Variants in KAZN observed in about 807,000 individuals in gnomAD.
KAZN encodes the protein kazrin.
KAZN carries 40 observed loss-of-function variants against 87.4 expected under a neutral mutation model. The ratio of observed to expected loss-of-function variants is 0.46; its 90% CI spans 0.36 to 0.60. The LOEUF (loss-of-function observed/expected upper bound fraction) is 0.60, where lower values mean the gene tolerates loss of function less well. Ranked by LOEUF, KAZN falls within the 20% of genes least tolerant of loss-of-function variation. KAZN has a pLI of 0.00. For synonymous variants in KAZN, 466 were observed against 458.3 expected, an observed-to-expected ratio of 1.02 and a Z score of -0.22; for missense variants, 898 against 1,073.9, an observed-to-expected ratio of 0.84 and a Z score of 2.29.
At chr1:14,872,080 T>C (rs1652204097) in intron 1 of KAZN, among the ~76,000 whole-genome samples, 2 of 152,180 alleles carry the variant, frequency 1.3e-5, no homozygotes, top group Admixed American at 1.3e-4. Flanking sequence ...AGAAGCTGAA[T>C]TAGGGTGCAA....
At chr1:13,911,736 A>G (rs1339974637) in intron 1 of KAZN, among the ~76,000 whole-genome samples, 2 of 152,192 alleles carry the variant, frequency 1.3e-5, no homozygotes, top group African/African-American at 2.4e-5. Flanking sequence ...GTATAATATC[A>G]TTTAATGTAT....
intron 1 of KAZN, among the ~76,000 whole-genome samples, chr1:14,934,039 T>C (rs920931961): frequency 4.0e-5 from 6 of 151,598 alleles, no homozygotes; most frequent in African/African-American, 1.5e-4. Context: ...GTATTTTTAG[T>C]AGAGACGGGG....
chr1:14,653,320 C>T (rs1254893531), intron 1 of KAZN, among the ~76,000 whole-genome samples: 2 of 152,186 alleles, frequency 1.3e-5, no homozygotes, highest in Admixed American at 1.3e-4. Flanking sequence ...AGGTAATAAG[C>T]TCAGATGCCT....
At chr1:14,661,499 C>G (rs972544226) in intron 1 of KAZN, among the ~76,000 whole-genome samples, 2 of 152,146 alleles carry the variant, frequency 1.3e-5, no homozygotes, top group Non-Finnish European at 2.9e-5. Context: ...AACAGGAAAG[C>G]AGCTGTAGAC....
At chr1:14,587,171 C>T (rs1675902475) in intron 2 of KAZN, among the ~76,000 whole-genome samples, 1 of 152,152 alleles carries the variant, frequency 6.6e-6, no homozygotes, top group Admixed American at 6.5e-5. Flanking sequence ...CGCGGTGGCT[C>T]ATGCCTGTAA....
At chr1:14,479,245 C>T (rs563727147) in intron 2 of KAZN, among the ~76,000 whole-genome samples, 1 of 152,304 alleles carries the variant, frequency 6.6e-6, no homozygotes, top group Non-Finnish European at 1.5e-5. Flanking sequence ...TCCTGTGAAA[C>T]TGTCCCCTGC....
chr1:14,191,348 T>C (rs917603567), intron 2 of KAZN, among the ~76,000 whole-genome samples: 1 of 152,092 alleles, frequency 6.6e-6, no homozygotes, highest in African/African-American at 2.4e-5. Context: ...ATTTCATTAA[T>C]TGAAATTTGG....
intron 2 of KAZN, among the ~76,000 whole-genome samples, chr1:14,314,125 C>T (rs13373827): frequency 0.07 from 10,679 of 152,206 alleles, 520 homozygotes; most frequent in Non-Finnish European, 0.11. Context: ...CTTTCCACAT[C>T]TTTACATGTA....
intron 2 of KAZN, among the ~76,000 whole-genome samples, chr1:14,562,362 T>C (rs1305970724): frequency 6.6e-6 from 1 of 152,218 alleles, no homozygotes; most frequent in African/African-American, 2.4e-5. Flanking sequence ...TTGACACTAG[T>C]TCTGAAGTTG....
rs541964965 is a variant in KAZN at position 15,009,842 on chromosome 1, G to A, written c.419-24907G>A. 9.9e-5 allele frequency among the ~76,000 whole-genome samples: 15 copies of A among 152,124 alleles called. 1 individual carries two copies. The highest frequency in any genetic ancestry group is 4.2e-4 in the South Asian group (2 of 4,818). On this transcript the variant is annotated intron_variant, in intron 2 of 14. Transcript: ENST00000376030. The stretch of plus-strand genomic sequence containing the variant: ...CATGGCCAATTCTGTCTCACCCTCC[G>A]CTCGTTCCTCCCCATAATATTTTGA...
chr1:15,098,275 TA>T, intron 10 of KAZN, among the ~76,000 whole-genome samples: 1 of 152,394 alleles, frequency 6.6e-6, no homozygotes, highest in South Asian at 2.1e-4. Context: ...GAATTCCTTT[TA>T]AAATCATGCT....
intron 1 of KAZN, among the ~76,000 whole-genome samples, chr1:14,793,564 G>C (rs778619113): frequency 5.3e-5 from 8 of 152,208 alleles, no homozygotes; most frequent in Non-Finnish European, 1.0e-4. Context: ...AGAGTACCTG[G>C]TTATAGGGTT....
Position 14,724,590 on chromosome 1 carries a change from G to A in KAZN, c.226+125367G>A, listed in dbSNP as rs78298400. ...CAATTGCTCTCCTGGTTCCTTCTCC[G>A]TTTTGTGCCTGGATGACACTGCCAC... On this transcript the variant is annotated intron_variant, in intron 1 of 14. Transcript: ENST00000376030. Among the ~76,000 whole-genome samples, 1,349 of 152,320 alleles carry A rather than the reference G, an allele frequency of 8.9e-3. 8 individuals carry two copies. Among genetic ancestry groups the A allele is most frequent in the Non-Finnish European group, 0.013 (895 of 68,028 alleles).
At chr1:14,572,537 C>T (rs1674932731) in intron 2 of KAZN, among the ~76,000 whole-genome samples, 1 of 152,186 alleles carries the variant, frequency 6.6e-6, no homozygotes, top group African/African-American at 2.4e-5. Flanking sequence ...GCTCAGAGCT[C>T]AGGCCTGGGA....
intron 1 of KAZN, among the ~76,000 whole-genome samples, chr1:14,804,832 A>G (rs1646154072): frequency 6.6e-6 from 1 of 152,042 alleles, no homozygotes; most frequent in Non-Finnish European, 1.5e-5. Context: ...CCTCAGCTCC[A>G]CGGCTCCCTC....
chr1:13,913,932 C>T (rs1371356889), intron 1 of KAZN, among the ~76,000 whole-genome samples: 11 of 152,180 alleles, frequency 7.2e-5, no homozygotes, highest in Non-Finnish European at 1.6e-4. Flanking sequence ...CTTGGACCAG[C>T]ATCACCTGGG....
At chr1:14,071,443 G>A (rs1416935526) in intron 1 of KAZN, among the ~76,000 whole-genome samples, 1 of 152,200 alleles carries the variant, frequency 6.6e-6, no homozygotes, top group African/African-American at 2.4e-5. Flanking sequence ...ACAAAGGGTT[G>A]CTACAGTCAG....
intron 2 of KAZN, among the ~76,000 whole-genome samples, chr1:14,483,749 G>C (rs1053017985): frequency 6.6e-6 from 1 of 152,056 alleles, no homozygotes; most frequent in Non-Finnish European, 1.5e-5. Flanking sequence ...TTCCTTTGCT[G>C]TACAGAGACT....
chr1:14,900,024 T>C (rs533968727), intron 1 of KAZN, among the ~76,000 whole-genome samples: 1 of 152,156 alleles, frequency 6.6e-6, no homozygotes, highest in Admixed American at 6.5e-5. Flanking sequence ...TCAAAGCAGA[T>C]CCTTGGGACT....
Sources: gnomAD v4.1 joint callset for allele counts (sites outside exome capture counted in the v4.1 genomes callset) on GRCh38, gnomAD v4.1.1 for gene constraint, MANE v1.5 for transcripts, NCBI Gene and HGNC (gene_info 2026-07-23, HGNC 2026-07-21) for gene names.